MCTP2: variants seen among roughly 807,000 people sequenced by gnomAD.
The protein encoded by MCTP2 is multiple C2 and transmembrane domain containing 2, also known as multiple C2 and transmembrane domain-containing protein 2.
In MCTP2, 132 loss-of-function variants were observed where a neutral mutation model predicts 111.6. The observed-to-expected ratio is 1.18, with a 90% CI of 1.03 to 1.37. The LOEUF (loss-of-function observed/expected upper bound fraction) is 1.37. Among genes scored for constraint, MCTP2 ranks in the 40% most tolerant of loss-of-function variants. The probability of loss-of-function intolerance (pLI) is 0.00; values close to 1 mark genes in which losing one functional copy is unlikely to be tolerated. For missense variants in MCTP2, 1,183 were observed against 1,067.9 expected, an observed-to-expected ratio of 1.11 and a Z score of -1.50; for synonymous variants, 395 against 387.7, an observed-to-expected ratio of 1.02 and a Z score of -0.22.
At chr15:94,243,295 A>ATATACATACATACGTATGCGTATATGCG (rs1567250731) in intron 1 of MCTP2, among the ~76,000 whole-genome samples, 6 of 131,806 alleles carry the variant, frequency 4.6e-5, no homozygotes, top group African/African-American at 1.8e-4. Flanking sequence ...GCGTATATGC[A>ATATACATACATACGTATGCGTATATGCG]TATATACATA....
intron 17 of MCTP2, among the ~76,000 whole-genome samples, chr15:94,426,227 C>T (rs1160031021): frequency 2.0e-5 from 3 of 151,940 alleles, no homozygotes; most frequent in African/African-American, 7.2e-5. Context: ...AACTTTATGA[C>T]TCCATGTCTT....
At chr15:94,432,678 CA>C (rs2083260914) in intron 17 of MCTP2, among the ~76,000 whole-genome samples, 1 of 152,118 alleles carries the variant, frequency 6.6e-6, no homozygotes, top group Non-Finnish European at 1.5e-5. Flanking sequence ...CCATAAGATG[CA>C]AACTCTAATC....
intron 8 of MCTP2, among the ~76,000 whole-genome samples, chr15:94,351,875 C>T (rs1468039652): frequency 6.6e-6 from 1 of 152,176 alleles, no homozygotes; most frequent in Admixed American, 6.5e-5. Context: ...TTCATGCCCT[C>T]CTTTTAGGAT....
intron 2 of MCTP2, among the ~76,000 whole-genome samples, chr15:94,300,422 A>G (rs972635266): frequency 2.0e-5 from 3 of 150,982 alleles, no homozygotes; most frequent in Admixed American, 1.3e-4. Context: ...AGGCAGGAGA[A>G]TGGCATGAAC....
chr15:94,234,394 G>C (rs1739469833), intron 1 of MCTP2, among the ~76,000 whole-genome samples: 1 of 147,986 alleles, frequency 6.8e-6, no homozygotes, highest in Admixed American at 6.7e-5. Context: ...TACCAGAAAT[G>C]CTTACAAAAA....
chr15:94,374,886 G>C (rs112466936), intron 12 of MCTP2, among the ~76,000 whole-genome samples: 3 of 152,146 alleles, frequency 2.0e-5, no homozygotes, highest in African/African-American at 7.2e-5. Flanking sequence ...GGGAGGATAT[G>C]AAGTGACATA....
In MCTP2 at chr15:94,376,492, C is replaced by T. The variant is rs567659512; in HGVS notation, c.1582+6312C>T. Among the ~76,000 whole-genome samples the T allele has an allele frequency of 7.0e-4, 107 of 152,308 alleles. 1 individual carries two copies. The highest frequency in any genetic ancestry group is 9.4e-4 in the Non-Finnish European group (64 of 68,030). On this transcript the variant is annotated intron_variant, in intron 12 of 22. Transcript: ENST00000357742. The stretch of plus-strand genomic sequence containing the variant: ...TACTGGCCTTAGGCTCCCTCTAAGC[C>T]TCCATGTCCTCATGGGTATTTTAAG...
chr15:94,475,877 G>T (rs1356293332), intron 21 of MCTP2, among the ~76,000 whole-genome samples: 3 of 151,502 alleles, frequency 2.0e-5, no homozygotes, highest in Non-Finnish European at 4.4e-5. Flanking sequence ...CACCAAAGAG[G>T]GACGGTCTAT....
chr15:94,361,569 A>G (rs1398184680), intron 10 of MCTP2, among the ~76,000 whole-genome samples: 3 of 152,180 alleles, frequency 2.0e-5, no homozygotes, highest in Non-Finnish European at 4.4e-5. Context: ...GCGCACTCTG[A>G]TGGTAGGTAT....
intron 8 of MCTP2, among the ~76,000 whole-genome samples, chr15:94,346,626 T>C (rs2077994829): frequency 6.6e-6 from 1 of 152,178 alleles, no homozygotes; most frequent in African/African-American, 2.4e-5. Flanking sequence ...GTACTGTACA[T>C]CAATAACCAT....
chr15:94,278,481 A>G (rs2074321705), intron 1 of MCTP2, among the ~76,000 whole-genome samples: 1 of 152,190 alleles, frequency 6.6e-6, no homozygotes, highest in Non-Finnish European at 1.5e-5. Context: ...ACAATTCAGG[A>G]TAGAGTAAAT....
rs2074412720 is a variant in MCTP2 at position 94,476,913 on chromosome 15, T to A, written c.2568+120T>A. The A allele has an allele frequency of 2.0e-5, 13 of 639,040 alleles. No individual in the cohort carries two copies. The South Asian group carries it at 2.5e-4, about 12-fold the overall frequency. The allele number at this position is 639,040 out of a possible 1,614,324, so 39.6% of individuals were successfully genotyped here. On this transcript the variant is annotated intron_variant, in intron 22 of 22. Coordinates refer to ENST00000357742, the MANE Select transcript of MCTP2 (RefSeq NM_001385001.1). ...ATTGAGATAAGGAACCAGAAAATCC[T>A]TAAAGAGGCCTGGCTTGCAGAGAAG...
intron 1 of MCTP2, among the ~76,000 whole-genome samples, chr15:94,256,798 A>G (rs2072800219): frequency 6.6e-6 from 1 of 152,226 alleles, no homozygotes; most frequent in Non-Finnish European, 1.5e-5. Flanking sequence ...CCAGGAAGCT[A>G]AAAATGAAGA....
intron 20 of MCTP2, among the ~76,000 whole-genome samples, chr15:94,468,335 TGG>T (rs1596832377): frequency 1.3e-5 from 2 of 152,284 alleles, no homozygotes; most frequent in East Asian, 3.9e-4. Flanking sequence ...CTGGAAATTA[TGG>T]TTCAGATTTA....
At chr15:94,423,918 G>A (rs1261016751) in intron 17 of MCTP2, among the ~76,000 whole-genome samples, 4 of 152,330 alleles carry the variant, frequency 2.6e-5, no homozygotes, top group Admixed American at 1.3e-4. Context: ...TGAAACATCT[G>A]TGTACCTACT....
rs576654570 is a variant in MCTP2, at chr15:94,235,927, A to G, written c.-66+4263A>G. 1.8e-4 allele frequency among the ~76,000 whole-genome samples: 28 copies of G among 152,336 alleles called. 2 individuals carry two copies. In the South Asian group the frequency reaches 5.8e-3, roughly 32 times the overall value. ...GTTTAACAATCGTAGTCATTTGCTG[A>G]CTACTGTGGTTAAGAAATTTTTCAT... On this transcript the variant is annotated intron_variant, in intron 1 of 22. Coordinates refer to ENST00000357742, the MANE Select transcript of MCTP2 (RefSeq NM_001385001.1).
chr15:94,236,387 T>C lies in MCTP2; in HGVS notation c.-66+4723T>C, dbSNP rs999992522. On this transcript the variant is annotated intron_variant, in intron 1 of 22. Coordinates refer to ENST00000357742, the MANE Select transcript of MCTP2 (RefSeq NM_001385001.1). ...TCCTTTCTTTTTTTTCTTTTTTTTT[T>C]TTTTTTTTTTTTTTTTTTACGAAAT... Among the ~76,000 whole-genome samples the C allele has an allele frequency of 3.2e-3, 433 of 135,050 alleles. 2 individuals carry two copies. Among genetic ancestry groups the C allele is most frequent in the African/African-American group, 0.012 (410 of 35,210 alleles). 88.6% of individuals were successfully genotyped at this position (135,050 alleles called of 152,430 possible).
chr15:94,381,505 C>A (rs2080135217), intron 12 of MCTP2, among the ~76,000 whole-genome samples: 1 of 152,148 alleles, frequency 6.6e-6, no homozygotes, highest in African/African-American at 2.4e-5. Context: ...GAGCGGGAGC[C>A]ACAGAACGAG....
chr15:94,425,461 T>C (rs1353148608), intron 17 of MCTP2, among the ~76,000 whole-genome samples: 2 of 152,022 alleles, frequency 1.3e-5, no homozygotes, highest in African/African-American at 4.8e-5. Context: ...ACAAGACCAA[T>C]ATTGAAAGTA....
Sources: gnomAD v4.1 joint callset for allele counts (sites outside exome capture counted in the v4.1 genomes callset) on GRCh38, gnomAD v4.1.1 for gene constraint, MANE v1.5 for transcripts, NCBI Gene and HGNC (gene_info 2026-07-23, HGNC 2026-07-21) for gene names.